The following TPO variants were observed in gnomAD, a reference collection of about 807,000 sequenced individuals.
TPO encodes the protein thyroid microsomal antigen.
Under a neutral mutation model 96.9 loss-of-function variants are expected in TPO, and 78 were observed. That is an observed-to-expected ratio of 0.81 (90% CI 0.67 to 0.97). The LOEUF is 0.97. Ranked by LOEUF, TPO falls within the 50% of genes least tolerant of loss-of-function variation. The probability of loss-of-function intolerance (pLI) is 0.00; values close to 1 mark genes in which losing one functional copy is unlikely to be tolerated. For missense variants in TPO, 1,252 were observed against 1,274.8 expected (o/e 0.98, Z 0.27); for synonymous variants, 547 against 538.0 (o/e 1.02, Z -0.23).
chr2:1,467,978 G>GTTTTTTTTTTT (rs1221205393), intron 7 of TPO, among the ~76,000 whole-genome samples: 1 of 93,534 alleles, frequency 1.1e-5, no homozygotes, highest in Non-Finnish European at 2.5e-5. Context: ...TTGCTTTAAA[G>GTTTTTTTTTTT]TTTATTTTGT....
chr2:1,426,776 G>C (rs1664454938), intron 3 of TPO, among the ~76,000 whole-genome samples: 1 of 152,210 alleles, frequency 6.6e-6, no homozygotes, highest in East Asian at 1.9e-4. Flanking sequence ...GACTTACTTT[G>C]AGTAAAAGTT....
At chr2:1,405,921 G>GT (rs1419528926) in intron 1 of TPO, among the ~76,000 whole-genome samples, 7 of 152,312 alleles carry the variant, frequency 4.6e-5, no homozygotes, top group East Asian at 1.9e-4. Flanking sequence ...GACCTTTGTG[G>GT]TTTTTTCTAC....
At chr2:1,533,478 C>A in intron 15 of TPO, among the ~76,000 whole-genome samples, 1 of 49,880 alleles carries the variant, frequency 2.0e-5, no homozygotes, top group African/African-American at 8.3e-5. Flanking sequence ...CAAATCCCCC[C>A]AACTGTTTGG....
chr2:1,445,766 T>C (rs796436009), intron 5 of TPO, among the ~76,000 whole-genome samples: 107 of 119,062 alleles, frequency 9.0e-4, no homozygotes, highest in Admixed American at 1.3e-3. Flanking sequence ...GGGAATGGGG[T>C]AGGCTCCTTC....
At chr2:1,451,010 T>C (rs1054795498) in intron 5 of TPO, among the ~76,000 whole-genome samples, 13 of 152,146 alleles carry the variant, frequency 8.5e-5, no homozygotes, top group Non-Finnish European at 2.9e-5. Flanking sequence ...ACAGAATTAT[T>C]CTCCCCTTAT....
rs183449841 is a variant in TPO at position 1,391,605 on chromosome 2, C to G, written n.180+17203C>G. Among the ~76,000 whole-genome samples, 13 of 152,262 alleles carry G rather than the reference C, an allele frequency of 8.5e-5. No individual in the cohort carries two copies. In the South Asian group the frequency reaches 1.2e-3, roughly 15 times the overall value. ...CATTGAATCTATAAATTACCTTGGGCAGTATGGCCATTTTCACAATATTGA... is the reference window on the plus strand; with the variant it reads ...CATTGAATCTATAAATTACCTTGGGGAGTATGGCCATTTTCACAATATTGA... On this transcript the variant is annotated intron_variant and non_coding_transcript_variant, in intron 1 of 5. Transcript: ENST00000497517.
chr2:1,396,020 TAAG>T (rs1051488659), intron 1 of TPO, among the ~76,000 whole-genome samples: 3 of 152,144 alleles, frequency 2.0e-5, no homozygotes, highest in Non-Finnish European at 2.9e-5. Context: ...AATGAGGAAG[TAAG>T]AAGAGGCTGA....
At chr2:1,541,206 C>CAGAG in intron 16 of TPO, 1 of 1,167,400 alleles carries the variant, frequency 8.6e-7, no homozygotes, top group Non-Finnish European at 1.1e-6. Context: ...CTGAGAGAAG[C>CAGAG]AGAGAGCAGA....
At chr2:1,432,129 G>A (rs1189257832) in intron 3 of TPO, among the ~76,000 whole-genome samples, 2 of 152,254 alleles carry the variant, frequency 1.3e-5, no homozygotes, top group East Asian at 1.9e-4. Flanking sequence ...AGCACAGTCC[G>A]CTGTGGTCAC....
chr2:1,494,586 T>C (rs796137124), intron 11 of TPO, among the ~76,000 whole-genome samples: 3 of 152,294 alleles, frequency 2.0e-5, no homozygotes, highest in African/African-American at 7.2e-5. Context: ...ACCTAGAATT[T>C]GGAGGTTTGT....
intron 14 of TPO, 142 bp downstream of exon 14, chr2:1,504,221 C>A (rs541475688): frequency 1.4e-6 from 2 of 1,475,116 alleles, no homozygotes; most frequent in Non-Finnish European, 1.8e-6. Context: ...CCCACGGTGC[C>A]CGAGGGGCGT....
chr2:1,488,798 C>T (rs527405607), intron 10 of TPO, among the ~76,000 whole-genome samples: 122 of 152,324 alleles, frequency 8.0e-4, no homozygotes, highest in African/African-American at 2.6e-3. Flanking sequence ...TCCTCTGTCC[C>T]CTGGCCCTTC....
At chr2:1,518,281 C>A (rs894091854) in intron 15 of TPO, among the ~76,000 whole-genome samples, 2 of 152,206 alleles carry the variant, frequency 1.3e-5, no homozygotes, top group Non-Finnish European at 2.9e-5. Flanking sequence ...AACAGGAAAT[C>A]TTTTTCTTAC....
intron 1 of TPO, among the ~76,000 whole-genome samples, chr2:1,377,842 C>T (rs1558240546): frequency 6.6e-6 from 1 of 152,218 alleles, no homozygotes; most frequent in East Asian, 1.9e-4. Context: ...CAGCTCCAGA[C>T]TCAGAGTATG....
chr2:1,476,779 A>AG (rs941480173), intron 7 of TPO, among the ~76,000 whole-genome samples: 1 of 150,158 alleles, frequency 6.7e-6, no homozygotes, highest in African/African-American at 2.5e-5. Context: ...GAGCAGGCTG[A>AG]GGGGAGGTGC....
intron 2 of TPO, among the ~76,000 whole-genome samples, chr2:1,421,264 G>T (rs973907930): frequency 6.6e-6 from 1 of 152,178 alleles, no homozygotes; most frequent in Non-Finnish European, 1.5e-5. Context: ...ATCCTAAGAC[G>T]TAACTCTGTG....
At chr2:1,531,610 G>A (rs1328397113) in intron 15 of TPO, among the ~76,000 whole-genome samples, 2 of 76,144 alleles carry the variant, frequency 2.6e-5, no homozygotes, top group Admixed American at 1.9e-4. Flanking sequence ...CCCACTCTGT[G>A]CAACCTCCCC....
chr2:1,458,497 GAC>G (rs1395687386), intron 7 of TPO, among the ~76,000 whole-genome samples: 1 of 151,794 alleles, frequency 6.6e-6, no homozygotes, highest in Non-Finnish European at 1.5e-5. Context: ...TAGCATATAA[GAC>G]AGTTTGTGGG....
At chr2:1,427,954 G>A (rs752902533) in intron 3 of TPO, among the ~76,000 whole-genome samples, 13 of 152,138 alleles carry the variant, frequency 8.5e-5, no homozygotes, top group South Asian at 2.1e-4. Flanking sequence ...AGAGCTAAAG[G>A]AGTGTTATTA....
Sources: gnomAD v4.1 joint callset for allele counts (sites outside exome capture counted in the v4.1 genomes callset) on GRCh38, gnomAD v4.1.1 for gene constraint, MANE v1.5 for transcripts, NCBI Gene and HGNC (gene_info 2026-07-23, HGNC 2026-07-21) for gene names.